Variants in ATL2 observed in about 807,000 individuals in gnomAD.
ATL2 encodes atlastin GTPase 2.
In ATL2, 31 loss-of-function variants were observed where a neutral mutation model predicts 73.9. The ratio of observed to expected loss-of-function variants is 0.42; its 90% CI spans 0.32 to 0.57. The LOEUF is 0.57. Ranked by LOEUF, ATL2 falls within the 20% of genes least tolerant of loss-of-function variation. ATL2 has a pLI of 0.14. For synonymous variants in ATL2, 291 were observed against 237.5 expected (o/e 1.23, Z -2.07); for missense variants, 738 against 702.6 (o/e 1.05, Z -0.57).
intron 2 of ATL2, among the ~76,000 whole-genome samples, chr2:38,323,489 C>G (rs1558409170): frequency 1.3e-5 from 2 of 150,984 alleles, no homozygotes; most frequent in African/African-American, 2.4e-5. Context: ...CAAGCATGAG[C>G]CACCATGCCC....
intron 1 of ATL2, among the ~76,000 whole-genome samples, chr2:38,361,809 T>C (rs538293095): frequency 1.3e-5 from 2 of 152,176 alleles, no homozygotes; most frequent in Non-Finnish European, 2.9e-5. Context: ...AATAATCCTC[T>C]CAACAACCCA....
At chr2:38,302,409 G>C (rs1243019632) in intron 9 of ATL2, among the ~76,000 whole-genome samples, 1 of 152,114 alleles carries the variant, frequency 6.6e-6, no homozygotes, top group Non-Finnish European at 1.5e-5. Flanking sequence ...CAAGGCCAGA[G>C]GGAACTTGCT....
intron 9 of ATL2, among the ~76,000 whole-genome samples, chr2:38,306,622 C>A: frequency 6.6e-6 from 1 of 152,138 alleles, no homozygotes; most frequent in Non-Finnish European, 1.5e-5. Context: ...TGTGATACAT[C>A]GTTATCACCA....
intron 1 of ATL2, among the ~76,000 whole-genome samples, chr2:38,368,254 T>C (rs2124489492): frequency 6.6e-6 from 1 of 150,768 alleles, no homozygotes. Context: ...GGACTTTTTT[T>C]TTTTTTTTTT....
chr2:38,300,083 T>C (rs1412214756), intron 10 of ATL2, among the ~76,000 whole-genome samples, 189 bp downstream of exon 10: 3 of 152,090 alleles, frequency 2.0e-5, no homozygotes, highest in East Asian at 3.8e-4. Context: ...ATGGAAGGCC[T>C]ACAATCTGCA....
chr2:38,309,456 G>A lies in ATL2; in HGVS notation c.994C>T (p.Leu332Phe), dbSNP rs1214637021. 1.9e-6 allele frequency: 3 copies of A among 1,612,638 alleles called. No individual in the cohort carries two copies. Among genetic ancestry groups the A allele is most frequent in the Non-Finnish European group, 2.5e-6 (3 of 1,179,688 alleles). Residue 332 changes from leucine to phenylalanine, a missense_variant, in exon 9 of 13, where the codon CTT (leucine) becomes TTT (phenylalanine). Leu to Phe is a conservative substitution (Grantham distance 22). Transcript: ENST00000378954. The stretch of plus-strand genomic sequence containing the variant: ...TTTTCTACCAAATTTTCAGGGGCAA[G>A]CAGCAATGGAACCAGATTTCGAAGC... ...RELRNLVPLL[L>F]APENLVEKEI...
At chr2:38,301,592 C>T (rs1196287357) in intron 9 of ATL2, among the ~76,000 whole-genome samples, 2 of 152,196 alleles carry the variant, frequency 1.3e-5, no homozygotes, top group Non-Finnish European at 2.9e-5. Flanking sequence ...AAAGCAGTGA[C>T]TGTGGAATTT....
chr2:38,295,891 A>T lies in ATL2; in HGVS notation c.*103T>A. On this transcript the variant is annotated 3_prime_UTR_variant, in exon 13 of 13. Transcript: ENST00000378954. ...TCTGTGAAGCCAGTTACACTAAACT[A>T]CTTCTACAGTTGATTGTAAACTTTG... The T allele has an allele frequency of 2.0e-6, 2 of 984,620 alleles. No individual in the cohort carries two copies. The highest frequency in any genetic ancestry group is 3.0e-6 in the Non-Finnish European group (2 of 677,648). The allele number at this position is 984,620 out of a possible 1,614,324, so 61.0% of individuals were successfully genotyped here. A position where few individuals can be genotyped will look rare whatever the true frequency, so the allele number is the denominator to read the frequency against.
chr2:38,348,682 T>C (rs1229017094), intron 1 of ATL2, among the ~76,000 whole-genome samples: 1 of 149,360 alleles, frequency 6.7e-6, no homozygotes. Context: ...GGTATCTAAT[T>C]AAACTAAAGA....
In ATL2 at chr2:38,326,785, C is replaced by G. The variant is rs555105012; in HGVS notation, c.364-7766G>C. ...GGTGGATCACTTGAGGTCTGGAGTTCGAGACCAGCCTGGTCAATACGGCAA... is the reference window on the plus strand; with the variant it reads ...GGTGGATCACTTGAGGTCTGGAGTTGGAGACCAGCCTGGTCAATACGGCAA... On this transcript the variant is annotated intron_variant, in intron 2 of 12. Coordinates refer to ENST00000378954, the MANE Select transcript of ATL2 (RefSeq NM_001135673.4). Among the ~76,000 whole-genome samples the G allele has an allele frequency of 6.2e-4, 94 of 152,018 alleles. 1 individual carries two copies. The highest frequency in any genetic ancestry group is 2.2e-3 in the African/African-American group (91 of 41,486).
intron 2 of ATL2, among the ~76,000 whole-genome samples, chr2:38,337,128 A>G (rs1315392286): frequency 1.3e-5 from 2 of 152,080 alleles, no homozygotes. Context: ...AAATGCATTA[A>G]AACACTTTGA....
chr2:38,359,135 T>C (rs927313793), intron 1 of ATL2, among the ~76,000 whole-genome samples: 1 of 152,204 alleles, frequency 6.6e-6, no homozygotes, highest in Non-Finnish European at 1.5e-5. Context: ...TGTCCCTTTC[T>C]AGCCAACAAC....
chr2:38,368,428 T>A (rs1225432164), intron 1 of ATL2, among the ~76,000 whole-genome samples: 1 of 152,060 alleles, frequency 6.6e-6, no homozygotes, highest in African/African-American at 2.4e-5. Flanking sequence ...AATTTTGTAT[T>A]TTTAGTAGAG....
intron 1 of ATL2, among the ~76,000 whole-genome samples, chr2:38,368,151 G>A (rs371411661): frequency 6.6e-6 from 1 of 150,958 alleles, no homozygotes; most frequent in South Asian, 2.1e-4. Flanking sequence ...AGCCAGGATG[G>A]CCTCTATCTC....
At chr2:38,352,989 C>T (rs1033301294) in intron 1 of ATL2, among the ~76,000 whole-genome samples, 1 of 152,126 alleles carries the variant, frequency 6.6e-6, no homozygotes. Flanking sequence ...AAACCAAAAA[C>T]AAGCTAAGAG....
chr2:38,308,184 C>T (rs1218356329), intron 9 of ATL2, among the ~76,000 whole-genome samples: 1 of 152,160 alleles, frequency 6.6e-6, no homozygotes, highest in East Asian at 1.9e-4. Context: ...GTCACTACAG[C>T]TACAATTTGG....
At chr2:38,351,493 T>A (rs1670342960) in intron 1 of ATL2, among the ~76,000 whole-genome samples, 6 of 145,628 alleles carry the variant, frequency 4.1e-5, no homozygotes, top group Admixed American at 4.0e-4. Context: ...ATATATATAT[T>A]TAATTTTTTT....
intron 2 of ATL2, among the ~76,000 whole-genome samples, chr2:38,342,822 T>C (rs1463598212): frequency 1.3e-5 from 2 of 152,138 alleles, no homozygotes; most frequent in Non-Finnish European, 1.5e-5. Context: ...CCATATGCAG[T>C]ATATGCAGAA....
chr2:38,352,129 C>CCAAA (rs1573553253), intron 1 of ATL2, among the ~76,000 whole-genome samples: 1 of 18,786 alleles, frequency 5.3e-5, no homozygotes, highest in East Asian at 1.3e-3. Flanking sequence ...ACAAAAACAA[C>CCAAA]AACCAAAAAA....
Sources: gnomAD v4.1 joint callset for allele counts (sites outside exome capture counted in the v4.1 genomes callset) on GRCh38, gnomAD v4.1.1 for gene constraint, MANE v1.5 for transcripts, NCBI Gene and HGNC (gene_info 2026-07-23, HGNC 2026-07-21) for gene names.